Variants in LYN observed in about 807,000 individuals in gnomAD.
LYN encodes the protein LYN proto-oncogene, Src family tyrosine kinase.
Under a neutral mutation model 65.0 loss-of-function variants are expected in LYN, and 12 were observed. That is an observed-to-expected ratio of 0.18 (90% CI 0.12 to 0.30). The LOEUF is 0.30. LYN is among the 10% of genes least tolerant of loss of function. The pLI, the probability that LYN is intolerant of heterozygous loss-of-function variation, is 1.00. For missense variants in LYN, 380 were observed against 623.2 expected (o/e 0.61, Z 4.16); for synonymous variants, 222 against 221.2 (o/e 1.00, Z -0.03).
rs765585716 is a variant in LYN, at chr8:55,941,887, G to A, written c.28G>A (p.Asp10Asn). 5.0e-6 allele frequency: 8 copies of A among 1,613,100 alleles called. No individual in the cohort carries two copies. In the South Asian group the frequency reaches 8.8e-5, roughly 18 times the overall value. MGCIKSKGK[D>N]SLSDDGVDLK... Reference sequence around the variant, plus strand: ...GGGATGTATAAAATCAAAAGGGAAAGACAGCTTGAGTGACGATGGAGTAGA... The same window carrying A: ...GGGATGTATAAAATCAAAAGGGAAAAACAGCTTGAGTGACGATGGAGTAGA... Residue 10 changes from aspartate (D) to asparagine (N), a missense_variant, in exon 2 of 13, where the codon GAC becomes AAC. By Grantham distance (23) the Asp-to-Asn change is conservative. Coordinates refer to ENST00000519728, the MANE Select transcript of LYN (RefSeq NM_002350.4).
intron 1 of LYN, among the ~76,000 whole-genome samples, chr8:55,889,385 T>C (rs1804889011): frequency 6.6e-6 from 1 of 152,126 alleles, no homozygotes; most frequent in African/African-American, 2.4e-5. Context: ...TTATTTTTTG[T>C]AGAGATGGGG....
Position 55,968,659 on chromosome 8 carries a change from T to C in LYN, c.974-1058T>C, listed in dbSNP as rs145896571. ...TCTTTTCAGCAGCCTGAGGGCTAAG[T>C]ACTATTGTTCTGTGTCATAGATGAG... On this transcript the variant is annotated intron_variant, in intron 9 of 12. Transcript: ENST00000519728. Among the ~76,000 whole-genome samples the C allele has an allele frequency of 1.8e-4, 28 of 152,354 alleles. No homozygotes were observed. The East Asian group carries it at 2.7e-3, about 15-fold the overall frequency.
Position 55,946,442 on chromosome 8 carries a change from T to C in LYN, c.133-6T>C. Reference sequence around the variant, plus strand: ...ATTTTTTTTTCTAACAAATATTCTCTCGTAGGTTCCAGAATCTCAGCTTTT... The same window carrying C: ...ATTTTTTTTTCTAACAAATATTCTCCCGTAGGTTCCAGAATCTCAGCTTTT... On this transcript the variant is annotated splice_polypyrimidine_tract_variant and splice_region_variant and intron_variant, in intron 2 of 12. Transcript: ENST00000519728. 1.3e-6 allele frequency: 2 copies of C among 1,599,296 alleles called. No individual in the cohort carries two copies. The highest frequency in any genetic ancestry group is 2.7e-5 in the African/African-American group (2 of 74,658).
At chr8:55,985,722 CAA>C (rs1808056148) in intron 10 of LYN, among the ~76,000 whole-genome samples, 1 of 152,226 alleles carries the variant, frequency 6.6e-6, no homozygotes, top group African/African-American at 2.4e-5. Context: ...CTTCCCCCAT[CAA>C]AGAGTAAACT....
intron 1 of LYN, among the ~76,000 whole-genome samples, chr8:55,930,266 ACTT>A: frequency 6.6e-6 from 1 of 152,220 alleles, no homozygotes; most frequent in East Asian, 1.9e-4. Flanking sequence ...ACAACATTCC[ACTT>A]CTTTTAGGTG....
At chr8:55,982,118 CA>C (rs1157196271) in intron 10 of LYN, among the ~76,000 whole-genome samples, 1 of 152,096 alleles carries the variant, frequency 6.6e-6, no homozygotes, top group African/African-American at 2.4e-5. Context: ...GGATTCTTAA[CA>C]AAGTCAGGAT....
At chr8:55,976,370 A>C (rs1585657953) in intron 10 of LYN, among the ~76,000 whole-genome samples, 2 of 151,786 alleles carry the variant, frequency 1.3e-5, no homozygotes, top group Admixed American at 6.6e-5. Flanking sequence ...GGAAAGAAAG[A>C]AAGCAAGAAA....
chr8:55,903,138 C>T (rs906382621), intron 1 of LYN, among the ~76,000 whole-genome samples: 10 of 152,030 alleles, frequency 6.6e-5, no homozygotes, highest in African/African-American at 1.7e-4. Flanking sequence ...TGAGCCACTG[C>T]GCCCGGCCTA....
chr8:55,905,554 G>A (rs1269258667), intron 1 of LYN, among the ~76,000 whole-genome samples: 1 of 152,208 alleles, frequency 6.6e-6, no homozygotes, highest in African/African-American at 2.4e-5. Flanking sequence ...AGAATTGCTA[G>A]CTACCCAGCT....
At chr8:55,948,497 G>A (rs746401706) in intron 4 of LYN, among the ~76,000 whole-genome samples, 2 of 152,166 alleles carry the variant, frequency 1.3e-5, no homozygotes, top group African/African-American at 4.8e-5. Flanking sequence ...CCTGAGTGTC[G>A]TCATCTCCTC....
chr8:55,913,224 C>T lies in LYN; in HGVS notation c.-5-28631C>T, dbSNP rs200238523. Reference sequence around the variant, plus strand: ...CAAAAAGATTTTACCAAATAATTCACATTGAAATATAAATAGTTTTAAAGT... The same window carrying T: ...CAAAAAGATTTTACCAAATAATTCATATTGAAATATAAATAGTTTTAAAGT... On this transcript the variant is annotated intron_variant, in intron 1 of 12. Coordinates refer to ENST00000519728, the MANE Select transcript of LYN (RefSeq NM_002350.4). Among the ~76,000 whole-genome samples, 3 of 152,330 alleles carry T rather than the reference C, an allele frequency of 2.0e-5. No homozygotes were observed. In the East Asian group the frequency reaches 5.8e-4, roughly 29 times the overall value.
At chr8:55,958,246 T>A (rs1342009510) in intron 8 of LYN, among the ~76,000 whole-genome samples, 1 of 152,200 alleles carries the variant, frequency 6.6e-6, no homozygotes, top group Non-Finnish European at 1.5e-5. Context: ...TCCTCCAATT[T>A]CTCTTCTTTC....
At chr8:55,941,801 C>T in intron 1 of LYN, 54 bp from the exon 2 acceptor site, 1 of 1,406,298 alleles carries the variant, frequency 7.1e-7, no homozygotes. Context: ...ATTTTGATGG[C>T]TTGAAGCAGT....
chr8:55,909,081 ATTTATT>A (rs1300427219), intron 1 of LYN, among the ~76,000 whole-genome samples: 5 of 141,692 alleles, frequency 3.5e-5, no homozygotes, highest in Non-Finnish European at 7.6e-5. Context: ...TTATTTCTTC[ATTTATT>A]TTTATTTCAA....
chr8:55,984,739 C>A (rs1808027329), intron 10 of LYN, among the ~76,000 whole-genome samples: 1 of 152,230 alleles, frequency 6.6e-6, no homozygotes, highest in Non-Finnish European at 1.5e-5. Flanking sequence ...ATCAGATAAC[C>A]CCCTCACTCT....
At chr8:55,992,809 G>A (rs1239827384) in intron 10 of LYN, among the ~76,000 whole-genome samples, 1 of 152,106 alleles carries the variant, frequency 6.6e-6, no homozygotes, top group Non-Finnish European at 1.5e-5. Context: ...GGAAGAAGGT[G>A]GAAGGGCACA....
chr8:55,996,748 T>C (rs1212665336), intron 10 of LYN, among the ~76,000 whole-genome samples: 1 of 152,166 alleles, frequency 6.6e-6, no homozygotes, highest in Non-Finnish European at 1.5e-5. Flanking sequence ...TACTACACTT[T>C]CTATTCAGCA....
chr8:55,884,255 C>T (rs527728297), intron 1 of LYN, among the ~76,000 whole-genome samples: 1 of 152,224 alleles, frequency 6.6e-6, no homozygotes, highest in South Asian at 2.1e-4. Flanking sequence ...CAAGCATGTG[C>T]CACCACACCC....
intron 10 of LYN, among the ~76,000 whole-genome samples, chr8:55,989,009 G>A (rs1442453994): frequency 1.3e-5 from 2 of 152,186 alleles, no homozygotes; most frequent in African/African-American, 4.8e-5. Context: ...CCAGAGTGAG[G>A]TCATCCACAG....
Sources: gnomAD v4.1 joint callset for allele counts (sites outside exome capture counted in the v4.1 genomes callset) on GRCh38, gnomAD v4.1.1 for gene constraint, MANE v1.5 for transcripts, NCBI Gene and HGNC (gene_info 2026-07-23, HGNC 2026-07-21) for gene names.